Variants in MUC4 observed in about 807,000 individuals in gnomAD.
The protein encoded by MUC4 is mucin 4, cell surface associated, also known as mucin-4.
Under a neutral mutation model 257.9 loss-of-function variants are expected in MUC4, and 202 were observed. The ratio of observed to expected loss-of-function variants is 0.78; its 90% CI spans 0.70 to 0.88. The LOEUF is 0.88. Among genes scored for constraint, MUC4 ranks in the 40% least tolerant of loss-of-function variants. The pLI is 0.00. For synonymous variants in MUC4, 2,351 were observed against 2,757.1 expected, an observed-to-expected ratio of 0.85 and a Z score of 4.62; for missense variants, 5,976 against 6,513.7, an observed-to-expected ratio of 0.92 and a Z score of 2.84.
chr3:195,808,020 G>C (rs1389038739), intron 1 of MUC4, among the ~76,000 whole-genome samples: 1 of 152,158 alleles, frequency 6.6e-6, no homozygotes, highest in Non-Finnish European at 1.5e-5. Context: ...CATGGCCCTC[G>C]GGGTCCGTTC....
chr3:195,767,927 T>G (rs1480434338), intron 7 of MUC4, among the ~76,000 whole-genome samples: 1 of 56,038 alleles, frequency 1.8e-5, no homozygotes, highest in African/African-American at 8.3e-5. Context: ...CACTGCCACC[T>G]CCACCGCCAC....
chr3:195,759,040 A>C, intron 17 of MUC4, 84 bp downstream of exon 17: 1 of 1,514,368 alleles, frequency 6.6e-7, no homozygotes, highest in Non-Finnish European at 9.0e-7. Context: ...TGCTGGGTGT[A>C]GCAATGCAGA....
Position 195,789,750 on chromosome 3 carries a change from A to G in MUC4, c.1830T>C (p.Ile610=). 1 of 1,613,798 alleles carries G rather than the reference A, an allele frequency of 6.2e-7. No individual in the cohort carries two copies. Among genetic ancestry groups the G allele is most frequent in the Middle Eastern group, 1.6e-4 (1 of 6,062 alleles). ...AATGATTTGTTGATGGTGCCGTTGT[A>G]ATTTGTTGGGATGTGTGTCTATCCA... The part of the protein sequence containing the change: ...PMLDRHTSQQ[I]TTAPSTNHST... The change falls in exon 2 of 25, where the codon ATT becomes ATC. Residue 610 remains isoleucine, a synonymous_variant. Coordinates refer to ENST00000463781, the MANE Select transcript of MUC4 (RefSeq NM_018406.7).
At position 195,782,415 on chromosome 3, in the gene MUC4, G is replaced by A. The variant is rs199497029; in HGVS notation, c.9165C>T (p.Asn3055=). Residue 3055 remains asparagine, a synonymous_variant, in exon 2 of 25, where the codon AAC becomes AAT. Transcript: ENST00000463781. ...AGGAAGGGCTGGTGACATGAAGAGGGTTGGCGTGACCTGTGGATGCTGAGG... is the reference window on the plus strand; with the variant it reads ...AGGAAGGGCTGGTGACATGAAGAGGATTGGCGTGACCTGTGGATGCTGAGG... ...DTSSASTGHA[N]PLHVTSPSSA... is the part of the protein sequence containing the mutation. 3.6e-6 allele frequency: 5 copies of A among 1,397,926 alleles called. No homozygotes were observed. The highest frequency in any genetic ancestry group is 4.5e-5 in the Admixed American group (2 of 44,744). 86.6% of individuals were successfully genotyped at this position (1,397,926 alleles called of 1,614,324 possible).
rs754591500 is a variant in MUC4 at position 195,760,643 on chromosome 3, AG to A, written c.14848+240del. On this transcript the variant is annotated intron_variant, in intron 16 of 24. Coordinates refer to ENST00000463781, the MANE Select transcript of MUC4 (RefSeq NM_018406.7). ...AGGCATCCAGCGCTAGGATGGACGG[AG>A]GGGGCTGGGAAGGCGTCCAGCACTA... Among the ~76,000 whole-genome samples the A allele has an allele frequency of 4.0e-4, 31 of 78,216 alleles. No individual in the cohort carries two copies. The South Asian group carries it at 4.5e-3, about 11-fold the overall frequency. The allele number at this position is 78,216 out of a possible 152,430, so 51.3% of individuals were successfully genotyped here. A position where few individuals can be genotyped will look rare whatever the true frequency, so the allele number is the denominator to read the frequency against.
intron 14 of MUC4, 152 bp downstream of exon 14, chr3:195,761,935 C>T: frequency 1.0e-6 from 1 of 970,728 alleles, no homozygotes; most frequent in Non-Finnish European, 1.5e-6. Flanking sequence ...TGGAGAAGCC[C>T]CTCGGCTCCC....
chr3:195,789,045 G>C lies in MUC4; in HGVS notation c.2535C>G (p.Thr845=). Residue 845 remains threonine (T), a synonymous_variant, in exon 2 of 25, where the codon ACC becomes ACG. Transcript: ENST00000463781. ...SRDSHTTQST[T]ELLSASASHG... is the part of the protein sequence containing the mutation. ...GACTGGCTGAGGCGGACAGCAATTC[G>C]GTTGTTGACTGGGTTGTGTGACTGT... 6.2e-7 allele frequency: 1 copy of C among 1,613,806 alleles called. No individual in the cohort carries two copies. The highest frequency in any genetic ancestry group is 8.5e-7 in the Non-Finnish European group (1 of 1,179,826).
At chr3:195,794,088 A>AATAATAATAAT (rs1560408849) in intron 1 of MUC4, among the ~76,000 whole-genome samples, 1 of 76,994 alleles carries the variant, frequency 1.3e-5, no homozygotes, top group Non-Finnish European at 2.9e-5. Context: ...TAAAAAATAA[A>AATAATAATAAT]AATAATAATA....
Position 195,763,548 on chromosome 3 carries a change from T to C in MUC4, c.14138A>G (p.Asp4713Gly). 1 of 1,588,608 alleles carries C rather than the reference T, an allele frequency of 6.3e-7. No homozygotes were observed. Among genetic ancestry groups the C allele is most frequent in the Non-Finnish European group, 8.6e-7 (1 of 1,166,740 alleles). ...CTGAAGCAGGAAGGAGGAGTTCCCG[T>C]CTTGGGCCCCGACCAGCAGGAAGTC... ...LGDFLLVGAQ[D>G]GNSSFLLQGR... Residue 4713 changes from aspartate to glycine, a missense_variant, in exon 12 of 25, where the codon GAC (aspartate) becomes GGC (glycine). This residue lies in a region of MUC4 where 996 missense variants were observed against 1,137.3 expected (regional missense o/e 0.88). Transcript: ENST00000463781.
In MUC4 at chr3:195,771,667, C is replaced by T; in HGVS notation, c.13227G>A (p.Gly4409=). 1 of 1,613,758 alleles carries T rather than the reference C, an allele frequency of 6.2e-7. No homozygotes were observed. Among genetic ancestry groups the T allele is most frequent in the East Asian group, 2.2e-5 (1 of 44,868 alleles). The change falls in exon 5 of 25, where the codon GGG becomes GGA. Residue 4409 remains glycine, a synonymous_variant. Transcript: ENST00000463781. ...WDDADFSTGR[G]TTFYQEYETF... is the part of the protein sequence containing the mutation. ...AAAGGCTCACCTGATAAAATGTGGTCCCCCGACCAGTGGAGAAGTCAGCAT... is the reference window on the plus strand; with the variant it reads ...AAAGGCTCACCTGATAAAATGTGGTTCCCCGACCAGTGGAGAAGTCAGCAT...
At position 195,791,428 on chromosome 3, in the gene MUC4, G is replaced by A. The variant is rs779423787; in HGVS notation, c.152C>T (p.Thr51Ile). ...AAPVTSTGST[T>I]ATLEGQSTAA... ...AGTTGATTGTCCCTCTAGTGTCGCT[G>A]TTGTTGAGCCTGTTGAGGTGACTGG... is the stretch of plus-strand genomic sequence containing the variant. Residue 51 changes from threonine to isoleucine, a missense_variant, in exon 2 of 25, where the codon ACA becomes ATA. Physicochemically the swap from Thr to Ile is moderately conservative, Grantham distance 89. Around this residue, in one of 44 missense-constraint regions of MUC4, gnomAD observed 1,583 missense variants for 1,257.4 expected, o/e 1.26. Transcript: ENST00000463781. The A allele has an allele frequency of 6.2e-7, 1 of 1,613,974 alleles. No individual in the cohort carries two copies. Among genetic ancestry groups the A allele is most frequent in the Non-Finnish European group, 8.5e-7 (1 of 1,179,884 alleles).
intron 20 of MUC4, among the ~76,000 whole-genome samples, chr3:195,752,810 A>T (rs73204000): frequency 6.6e-6 from 1 of 152,074 alleles, no homozygotes; most frequent in African/African-American, 2.4e-5. Context: ...TCACTGAGCC[A>T]GCTGTGAGGT....
intron 2 of MUC4, 123 bp downstream of exon 2, chr3:195,778,667 C>A (rs1725605994): frequency 7.7e-7 from 1 of 1,305,530 alleles, no homozygotes; most frequent in Non-Finnish European, 1.0e-6. Context: ...ACCTCCTCCC[C>A]TGTGGGACCT....
At position 195,755,369 on chromosome 3, in the gene MUC4, G is replaced by T. The variant is rs984791115; in HGVS notation, c.15169-997C>A. Among the ~76,000 whole-genome samples the T allele has an allele frequency of 2.0e-5, 3 of 151,682 alleles. No individual in the cohort carries two copies. The highest frequency in any genetic ancestry group is 4.8e-5 in the African/African-American group (2 of 41,266). ...TGCCACCACGCCCAGCTAATTTTTT[G>T]ATTTTTAGTAGAGACAGGGTCTTGC... On this transcript the variant is annotated intron_variant, in intron 18 of 24. Coordinates refer to ENST00000463781, the MANE Select transcript of MUC4 (RefSeq NM_018406.7). The surrounding 1 kb of genome is among the most constrained non-coding windows in gnomAD (Gnocchi z 5.0).
At position 195,788,761 on chromosome 3, in the gene MUC4, G is replaced by A. The variant is rs753406065; in HGVS notation, c.2819C>T (p.Pro940Leu). The stretch of plus-strand genomic sequence containing the variant: ...TGTAAGCCCAGTGGATGTGATCGAT[G>A]GAGGTGTGGGTGGGACTGTTGAGAA... ...DTFSTVPPTPPSITSTGLTSP... is the reference protein window; with the variant it reads ...DTFSTVPPTPLSITSTGLTSP... The change falls in exon 2 of 25, where the codon CCA becomes CTA. Residue 940 changes from proline (P) to leucine (L), a missense_variant. Coordinates refer to ENST00000463781, the MANE Select transcript of MUC4 (RefSeq NM_018406.7). 1 of 1,613,802 alleles carries A rather than the reference G, an allele frequency of 6.2e-7. No individual in the cohort carries two copies. The highest frequency in any genetic ancestry group is 1.3e-5 in the African/African-American group (1 of 74,928).
Position 195,757,500 on chromosome 3 carries a change from G to T in MUC4, c.14987-172C>A, listed in dbSNP as rs954366774. On this transcript the variant is annotated intron_variant, in intron 17 of 24. Transcript: ENST00000463781. This position sits in a 1 kb window ranked among gnomAD's most constrained non-coding sequence, Gnocchi z 4.8. ...TGGTATCGGGGGTGATCCTGGTCACGCTCCCAGCTGGAAGGACGTGGCACC... is the reference window on the plus strand; with the variant it reads ...TGGTATCGGGGGTGATCCTGGTCACTCTCCCAGCTGGAAGGACGTGGCACC... Among the ~76,000 whole-genome samples the T allele has an allele frequency of 6.6e-6, 1 of 150,918 alleles. No individual in the cohort carries two copies. The highest frequency in any genetic ancestry group is 2.4e-5 in the African/African-American group (1 of 41,046).
In MUC4 at chr3:195,757,198, C is replaced by G; in HGVS notation, c.15117G>C (p.Glu5039Asp). Reference sequence around the variant, plus strand: ...TGGTCTGATTGTACAAACACTGGCTCTCTGCATTGCAATGGCAGACCACAG... The same window carrying G: ...TGGTCTGATTGTACAAACACTGGCTGTCTGCATTGCAATGGCAGACCACAG... ...PRTVVCHCNA[E>D]SQCLYNQTSR... The change falls in exon 18 of 25, where the codon GAG (glutamate) becomes GAC (aspartate). Residue 5039 changes from glutamate to aspartate, a missense_variant. Physicochemically the swap from Glu to Asp is conservative, Grantham distance 45 (BLOSUM62 2). Coordinates refer to ENST00000463781, the MANE Select transcript of MUC4 (RefSeq NM_018406.7). This position sits in a 1 kb window ranked among gnomAD's most constrained non-coding sequence, Gnocchi z 4.8. The G allele has an allele frequency of 6.2e-7, 1 of 1,612,642 alleles. No homozygotes were observed. The highest frequency in any genetic ancestry group is 8.5e-7 in the Non-Finnish European group (1 of 1,178,838).
intron 8 of MUC4, among the ~76,000 whole-genome samples, 172 bp from the exon 9 acceptor site, chr3:195,765,621 T>C (rs960907071): frequency 1.3e-5 from 2 of 152,214 alleles, no homozygotes; most frequent in African/African-American, 2.4e-5. Context: ...TCGCTTGACT[T>C]AGCGTCTGCT....
At chr3:195,773,336 C>A (rs1432513655) in intron 4 of MUC4, among the ~76,000 whole-genome samples, 1 of 144,704 alleles carries the variant, frequency 6.9e-6, no homozygotes, top group South Asian at 2.2e-4. Flanking sequence ...GGTGTAGGCA[C>A]CCCCCTCCAT....
Sources: allele counts gnomAD v4.1 joint callset (sites outside exome capture counted in the v4.1 genomes callset), GRCh38; gene constraint gnomAD v4.1.1; regional missense constraint gnomAD v4.1.1; non-coding constraint Gnocchi (gnomAD v3.1); transcripts MANE v1.5; gene names NCBI Gene and HGNC (gene_info 2026-07-23, HGNC 2026-07-21).